The following RUBCN variants were observed in gnomAD, a reference collection of about 807,000 sequenced individuals.
The protein encoded by RUBCN is rubicon autophagy regulator, also known as run domain Beclin-1-interacting and cysteine-rich domain-containing protein.
A neutral mutation model predicts 113.2 loss-of-function variants in RUBCN; 74 were observed. That is an observed-to-expected ratio of 0.65 (90% CI 0.54 to 0.79). The LOEUF (loss-of-function observed/expected upper bound fraction) is 0.79. Ranked by LOEUF, RUBCN falls within the 30% of genes least tolerant of loss-of-function variation. The probability of loss-of-function intolerance (pLI) is 0.00; values close to 1 mark genes in which losing one functional copy is unlikely to be tolerated. For missense variants in RUBCN, 1,109 were observed against 1,251.7 expected, an observed-to-expected ratio of 0.89 and a Z score of 1.72; for synonymous variants, 480 against 490.0, an observed-to-expected ratio of 0.98 and a Z score of 0.27.
rs764097035 is a variant in RUBCN at position 197,682,450 on chromosome 3, C to T, written c.2126+20G>A. On this transcript the variant is annotated intron_variant, in intron 14 of 19. Transcript: ENST00000296343. ...GAGGACGGATCTGTGCTCCAAAGGG[C>T]ACAGACACTGGCCACTCACGTTGGG... 176 of 1,613,946 alleles carry T rather than the reference C, an allele frequency of 1.1e-4. No individual in the cohort carries two copies. In the East Asian group the frequency reaches 3.8e-3, roughly 35 times the overall value.
rs1719659386 is a variant in RUBCN at position 197,670,263 on chromosome 3, T to TA, written c.*4754dup. ...ATTTTCCATTAACTTTTTACTTTCA[T>TA]AAATTATGCTGCAGTAAACATCTTT... On this transcript the variant is annotated 3_prime_UTR_variant, in exon 20 of 20. Transcript: ENST00000296343. Among the ~76,000 whole-genome samples the TA allele has an allele frequency of 6.6e-6, 1 of 152,312 alleles. No individual in the cohort carries two copies. Among genetic ancestry groups the TA allele is most frequent in the Non-Finnish European group, 1.5e-5 (1 of 68,002 alleles).
At chr3:197,737,800 A>G (rs1728301124), upstream of RUBCN, among the ~76,000 whole-genome samples, 1 of 152,256 alleles carries the variant, frequency 6.6e-6, no homozygotes, top group African/African-American at 2.4e-5. Flanking sequence ...GAGACTGGTC[A>G]TCCTTATGGG....
In RUBCN at chr3:197,692,831, C is replaced by T. The variant is rs373697503; in HGVS notation, c.1786+884G>A. On this transcript the variant is annotated intron_variant, in intron 11 of 19. Transcript: ENST00000296343. ...TCCTCCATCTGGAGGCCTGTGCAGG[C>T]GAATGGGCTCTCTAGATTGTGTAAA... Among the ~76,000 whole-genome samples the T allele has an allele frequency of 5.4e-4, 82 of 152,264 alleles. 2 individuals are homozygous for T. The South Asian group carries it at 0.016, about 29-fold the overall frequency.
chr3:197,720,154 A>G (rs1725988113), intron 1 of RUBCN, among the ~76,000 whole-genome samples: 1 of 152,058 alleles, frequency 6.6e-6, no homozygotes, highest in Admixed American at 6.6e-5. Context: ...CTGTTGACCA[A>G]TCTCTCTCCA....
At chr3:197,734,324 T>G (rs1727870178) in intron 1 of RUBCN, among the ~76,000 whole-genome samples, 1 of 149,330 alleles carries the variant, frequency 6.7e-6, no homozygotes, top group African/African-American at 2.5e-5. Flanking sequence ...ACCTCAGCAC[T>G]TTTGAGAGGC....
In RUBCN at chr3:197,724,416, T is replaced by C. The variant is rs553957453; in HGVS notation, c.66-6286A>G. On this transcript the variant is annotated intron_variant, in intron 1 of 19. Coordinates refer to ENST00000296343, the MANE Select transcript of RUBCN (RefSeq NM_014687.4). ...TGATATATATGAAATATATAATAAA[T>C]AGTAAATAAGTGAAAGTACTATGCA... is the stretch of plus-strand genomic sequence containing the variant. 2.0e-5 allele frequency among the ~76,000 whole-genome samples: 3 copies of C among 152,252 alleles called. No individual in the cohort carries two copies. The South Asian group carries it at 6.2e-4, about 32-fold the overall frequency.
At chr3:197,738,998 C>T (rs985335741), upstream of RUBCN, among the ~76,000 whole-genome samples, 1 of 151,662 alleles carries the variant, frequency 6.6e-6, no homozygotes, top group Non-Finnish European at 1.5e-5. Context: ...CAGAGTTTCA[C>T]TCTTGTTGGC....
chr3:197,728,351 T>C lies in RUBCN; in HGVS notation c.65+8304A>G, dbSNP rs554220776. On this transcript the variant is annotated intron_variant, in intron 1 of 19. Coordinates refer to ENST00000296343, the MANE Select transcript of RUBCN (RefSeq NM_014687.4). ...AGCTTCAAGGGTATGTTTCTGTAAT[T>C]TTTGTACTAAAAATCGAACTAGCAA... 1.9e-4 allele frequency among the ~76,000 whole-genome samples: 29 copies of C among 152,342 alleles called. No homozygotes were observed. The East Asian group carries it at 5.4e-3, about 28-fold the overall frequency.
intron 7 of RUBCN, chr3:197,699,151 C>T (rs1723349721): frequency 3.4e-6 from 5 of 1,483,440 alleles, no homozygotes; most frequent in South Asian, 1.2e-5. Flanking sequence ...GGTCACAAAA[C>T]AGAACAAAGA....
At chr3:197,707,099 T>G (rs1724390951) in intron 2 of RUBCN, among the ~76,000 whole-genome samples, 1 of 151,000 alleles carries the variant, frequency 6.6e-6, no homozygotes, top group Non-Finnish European at 1.5e-5. Flanking sequence ...ATCCCAGCAC[T>G]TTGGGAGGCC....
At chr3:197,733,558 C>T (rs1331079726) in intron 1 of RUBCN, among the ~76,000 whole-genome samples, 3 of 152,082 alleles carry the variant, frequency 2.0e-5, no homozygotes, top group Admixed American at 2.0e-4. Flanking sequence ...ATTTCATTGG[C>T]CATAGAAAGG....
chr3:197,731,261 T>C (rs898269891), intron 1 of RUBCN, among the ~76,000 whole-genome samples: 149 of 152,240 alleles, frequency 9.8e-4, no homozygotes, highest in Non-Finnish European at 5.1e-4. Context: ...CCTCAATCCA[T>C]TCAACCCTGA....
intron 10 of RUBCN, chr3:197,694,170 C>T (rs766518144): frequency 3.7e-5 from 25 of 684,224 alleles, no homozygotes; most frequent in African/African-American, 2.3e-4. Flanking sequence ...GGATTCCAGG[C>T]GTGAGCCACT....
chr3:197,693,753 G>T lies in RUBCN; in HGVS notation c.1748C>A (p.Ser583Tyr), dbSNP rs1478344040. 3 of 1,613,962 alleles carry T rather than the reference G, an allele frequency of 1.9e-6. No individual in the cohort carries two copies. The highest frequency in any genetic ancestry group is 1.7e-5 in the Admixed American group (1 of 60,024). ...SSRDSAQLSD[S>Y]GSADEVDEFE... ...TTCATCAACCTCATCAGCAGAGCCA[G>T]AGTCAGAGAGCTGTGCCGAATCACG... Residue 583 changes from serine to tyrosine, a missense_variant, in exon 11 of 20, where the codon TCT (serine) becomes TAT (tyrosine). By Grantham distance (144) the Ser-to-Tyr change is moderately radical. This residue lies in a region of RUBCN where 736 missense variants were observed against 779.6 expected (regional missense o/e 0.94). Coordinates refer to ENST00000296343, the MANE Select transcript of RUBCN (RefSeq NM_014687.4).
chr3:197,696,075 C>G (rs1336006641), intron 8 of RUBCN, 94 bp from the exon 9 acceptor site: 6 of 1,227,376 alleles, frequency 4.9e-6, no homozygotes, highest in Non-Finnish European at 3.6e-6. Context: ...TCCCAGGTAA[C>G]TGGGAATTAG....
chr3:197,736,956 G>A, upstream of RUBCN: 1 of 1,302,070 alleles, frequency 7.7e-7, no homozygotes, highest in Non-Finnish European at 9.7e-7. Context: ...TCCGAGGCTA[G>A]GCCGCTCCCG....
upstream of RUBCN, among the ~76,000 whole-genome samples, chr3:197,740,877 T>C (rs978599616): frequency 2.6e-5 from 4 of 152,112 alleles, no homozygotes; most frequent in Non-Finnish European, 5.9e-5. Flanking sequence ...CACCTCAGCC[T>C]CCCAAAGTGC....
chr3:197,678,243 G>A (rs1200688980), intron 16 of RUBCN, among the ~76,000 whole-genome samples: 1 of 151,192 alleles, frequency 6.6e-6, no homozygotes, highest in Admixed American at 6.6e-5. Context: ...CCTGGCTTCA[G>A]ACTGTCCCAC....
intron 8 of RUBCN, among the ~76,000 whole-genome samples, chr3:197,696,280 G>A (rs927812085): frequency 2.0e-5 from 3 of 151,794 alleles, no homozygotes; most frequent in Admixed American, 6.6e-5. Context: ...GCTGAGGCAG[G>A]AGAATCATCT....
Sources: allele counts gnomAD v4.1 joint callset (sites outside exome capture counted in the v4.1 genomes callset), GRCh38; gene constraint gnomAD v4.1.1; regional missense constraint gnomAD v4.1.1; transcripts MANE v1.5; gene names NCBI Gene and HGNC (gene_info 2026-07-23, HGNC 2026-07-21).